The following SHROOM4 variants were observed in gnomAD, a reference collection of about 807,000 sequenced individuals.
The protein encoded by SHROOM4 is shroom family member 4.
Under a neutral mutation model 80.3 loss-of-function variants are expected in SHROOM4, and 17 were observed. That is an observed-to-expected ratio of 0.21 (90% confidence interval 0.14 to 0.32). SHROOM4 has a LOEUF of 0.32. SHROOM4 is among the 10% of genes least tolerant of loss of function. SHROOM4 has a pLI of 1.00. For missense variants in SHROOM4, 993 were observed against 1,140.3 expected, an observed-to-expected ratio of 0.87 and a Z score of 1.86; for synonymous variants, 400 against 437.5, an observed-to-expected ratio of 0.91 and a Z score of 1.07.
intron 2 of SHROOM4, among the ~76,000 whole-genome samples, chrX:50,662,607 AC>A (rs782237310): frequency 2.7e-5 from 3 of 112,226 alleles, no homozygotes; most frequent in Non-Finnish European, 3.8e-5. Context: ...TTAAGCAACT[AC>A]TATTTCCAAA....
chrX:50,601,994 T>C, intron 7 of SHROOM4, among the ~76,000 whole-genome samples: 1 of 111,907 alleles, frequency 8.9e-6, no homozygotes, highest in Middle Eastern at 4.6e-3. Flanking sequence ...AAGTGCTGGA[T>C]CTACCATTTA....
chrX:50,651,733 G>GCA (rs1932075657), intron 2 of SHROOM4, among the ~76,000 whole-genome samples: 1 of 99,667 alleles, frequency 1.0e-5, no homozygotes, highest in East Asian at 3.1e-4. Flanking sequence ...CCCTCCCCTA[G>GCA]CCCCTTAACC....
At chrX:50,738,215 C>A (rs1934546920) in intron 1 of SHROOM4, among the ~76,000 whole-genome samples, 1 of 111,190 alleles carries the variant, frequency 9.0e-6, no homozygotes, top group Non-Finnish European at 1.9e-5. Flanking sequence ...AACCCACAGC[C>A]AATATCATAC....
At chrX:50,636,050 G>A (rs1387890286) in intron 3 of SHROOM4, among the ~76,000 whole-genome samples, 1 of 111,537 alleles carries the variant, frequency 9.0e-6, no homozygotes, top group South Asian at 3.9e-4. Flanking sequence ...GCATTAGAGA[G>A]GGGCCCTAAA....
intron 1 of SHROOM4, among the ~76,000 whole-genome samples, chrX:50,789,364 A>C (rs1323454129): frequency 8.9e-6 from 1 of 112,049 alleles, no homozygotes; most frequent in Non-Finnish European, 1.9e-5. Context: ...CAAATTCAAA[A>C]ATATGTGGAA....
chrX:50,798,473 T>C (rs1557272305), intron 1 of SHROOM4, among the ~76,000 whole-genome samples: 1 of 111,839 alleles, frequency 8.9e-6, no homozygotes, highest in Non-Finnish European at 1.9e-5. Context: ...ATAGTCATCA[T>C]AGTTAACAGT....
At chrX:50,652,242 C>A (rs1234729636) in intron 2 of SHROOM4, among the ~76,000 whole-genome samples, 2 of 112,034 alleles carry the variant, frequency 1.8e-5, no homozygotes, top group African/African-American at 6.5e-5. Context: ...TCTCTAGCAT[C>A]TGTTGTTTCC....
intron 1 of SHROOM4, among the ~76,000 whole-genome samples, chrX:50,700,518 G>C (rs1377601945): frequency 1.8e-5 from 2 of 111,876 alleles, no homozygotes; most frequent in African/African-American, 6.5e-5. Context: ...GCAAACCACA[G>C]GTTGGGGGCT....
At chrX:50,661,258 G>A (rs1177544632) in intron 2 of SHROOM4, among the ~76,000 whole-genome samples, 2 of 110,793 alleles carry the variant, frequency 1.8e-5, no homozygotes, top group Non-Finnish European at 3.8e-5. Flanking sequence ...TCATTCTATC[G>A]CCCAGGCTGG....
chrX:50,788,645 A>T (rs1371086823), intron 1 of SHROOM4, among the ~76,000 whole-genome samples: 2 of 111,453 alleles, frequency 1.8e-5, no homozygotes, highest in Non-Finnish European at 3.8e-5. Context: ...AGAAAATAAT[A>T]AGCAAAATTG....
At position 50,591,918 on chromosome X, in the gene SHROOM4, C is replaced by T. The variant is rs782497950; in HGVS notation, c.*4777G>A. 27 of 325,486 alleles carry T rather than the reference C, an allele frequency of 8.3e-5. No individual in the cohort carries two copies. The highest frequency in any genetic ancestry group is 6.6e-4 in the South Asian group (25 of 38,093). The allele number at this position is 325,486 out of a possible 1,213,427, so 26.8% of individuals were successfully genotyped here. The stretch of plus-strand genomic sequence containing the variant: ...ATTTTTAGTAGAGATAGGGTTTCAC[C>T]GTGTTAGCCAGGATGGTCTTGATCT... On this transcript the variant is annotated 3_prime_UTR_variant, in exon 9 of 9. Coordinates refer to ENST00000376020, the MANE Select transcript of SHROOM4 (RefSeq NM_020717.5).
At chrX:50,742,972 A>G (rs1282483666) in intron 1 of SHROOM4, among the ~76,000 whole-genome samples, 3 of 111,889 alleles carry the variant, frequency 2.7e-5, no homozygotes, top group Non-Finnish European at 3.8e-5. Flanking sequence ...GGACTCATGG[A>G]CATAAAATAA....
chrX:50,642,910 C>T (rs986087100), intron 2 of SHROOM4, among the ~76,000 whole-genome samples: 2 of 111,867 alleles, frequency 1.8e-5, no homozygotes, highest in Non-Finnish European at 3.8e-5. Context: ...CACACGACCC[C>T]TCCTCTCCAA....
chrX:50,599,015 T>C (rs1462410852), intron 7 of SHROOM4, among the ~76,000 whole-genome samples: 1 of 107,708 alleles, frequency 9.3e-6, no homozygotes, highest in Admixed American at 1.0e-4. Context: ...TGTTTGTGTG[T>C]GTGTGTGTGT....
At chrX:50,766,920 G>T (rs782644656) in intron 1 of SHROOM4, among the ~76,000 whole-genome samples, 8 of 111,140 alleles carry the variant, frequency 7.2e-5, no homozygotes, top group Non-Finnish European at 1.3e-4. Context: ...GATGAACGAG[G>T]AAACAGCAAA....
intron 2 of SHROOM4, among the ~76,000 whole-genome samples, chrX:50,658,776 C>A (rs1932398983): frequency 1.8e-5 from 2 of 111,315 alleles, no homozygotes; most frequent in African/African-American, 3.3e-5. Flanking sequence ...CAGGAGAGAA[C>A]TTAGGACAAA....
At position 50,814,176 on chromosome X, in the gene SHROOM4, A is replaced by G. The variant is rs1384219142; in HGVS notation, c.-158T>C. The G allele has an allele frequency of 1.1e-5, 5 of 459,337 alleles. No individual in the cohort carries two copies. The Admixed American group carries it at 1.7e-4, about 16-fold the overall frequency. The allele number at this position is 459,337 out of a possible 1,213,427, so 37.9% of individuals were successfully genotyped here. A position where few individuals can be genotyped will look rare whatever the true frequency, so the allele number is the denominator to read the frequency against. ...GCTGGAGACGCTCAGGCAGCGAGCG[A>G]GCGCAAGGAGGAAATGACACGGAGC... On this transcript the variant is annotated 5_prime_UTR_variant, in exon 1 of 9. Transcript: ENST00000376020.
At chrX:50,694,543 A>ATTTTTTTT (rs782530547) in intron 2 of SHROOM4, among the ~76,000 whole-genome samples, 248 of 12,492 alleles carry the variant, frequency 0.02, 72 homozygotes, top group East Asian at 0.027. Flanking sequence ...TTTAAGTTGG[A>ATTTTTTTT]TTTTTTTTTT....
In SHROOM4 at chrX:50,750,210, C is replaced by T. The variant is rs1414532357; in HGVS notation, c.118-54273G>A. On this transcript the variant is annotated intron_variant, in intron 1 of 8. Transcript: ENST00000376020. ...CCTGGCCAACATCAGTTACTAAAGG[C>T]CCATGCGTTTCCAGCAGGAAGTGTC... Among the ~76,000 whole-genome samples the T allele has an allele frequency of 7.1e-5, 8 of 112,102 alleles. 1 individual carries two copies. Among genetic ancestry groups the T allele is most frequent in the Admixed American group, 5.7e-4 (6 of 10,604 alleles).
Sources: gnomAD v4.1 joint callset for allele counts (sites outside exome capture counted in the v4.1 genomes callset) on GRCh38, gnomAD v4.1.1 for gene constraint, MANE v1.5 for transcripts, NCBI Gene and HGNC (gene_info 2026-07-23, HGNC 2026-07-21) for gene names.